RBFOX1: variants seen among roughly 807,000 people sequenced by gnomAD.
RBFOX1 encodes the protein RNA binding fox-1 homolog 1.
RBFOX1 carries 8 observed loss-of-function variants against 57.7 expected under a neutral mutation model. The observed-to-expected ratio is 0.14, with a 90% CI of 0.08 to 0.25. RBFOX1 has a LOEUF of 0.25. RBFOX1 is among the 10% of genes least tolerant of loss of function. The pLI is 1.00. For missense variants in RBFOX1, 611 were observed against 548.5 expected, an observed-to-expected ratio of 1.11 and a Z score of -1.14; for synonymous variants, 326 against 222.4, an observed-to-expected ratio of 1.47 and a Z score of -4.15.
intron 1 of RBFOX1, among the ~76,000 whole-genome samples, chr16:5,433,020 A>T (rs2067801876): frequency 6.6e-6 from 1 of 152,156 alleles, no homozygotes; most frequent in Non-Finnish European, 1.5e-5. Context: ...TCCTGACCTC[A>T]GGTTATTCCA....
chr16:7,406,934 C>T lies in RBFOX1; in HGVS notation c.28-111213C>T, dbSNP rs151121878. On this transcript the variant is annotated intron_variant, in intron 4 of 15. Transcript: ENST00000550418. ...TCCGTCTCCAATGCTATCAGTGTAG[C>T]ATTTTCAAATCTCTCTCTGTCTCTG... Among the ~76,000 whole-genome samples, 322 of 152,294 alleles carry T rather than the reference C, an allele frequency of 2.1e-3. 1 individual carries two copies. The highest frequency in any genetic ancestry group is 7.3e-3 in the African/African-American group (304 of 41,568).
At chr16:7,223,179 A>C (rs546200222) in intron 4 of RBFOX1, among the ~76,000 whole-genome samples, 27 of 152,338 alleles carry the variant, frequency 1.8e-4, no homozygotes, top group Admixed American at 5.2e-4. Flanking sequence ...CAGGACAACA[A>C]AGGTTATTGC....
chr16:7,375,440 A>T lies in RBFOX1; in HGVS notation c.28-142707A>T, dbSNP rs145257066. On this transcript the variant is annotated intron_variant, in intron 4 of 15. Transcript: ENST00000550418. ...TATAAAGACAAATTAGCGGCTATGG[A>T]ATCTCAATCCAGGAAAGAGAGACCT... is the stretch of plus-strand genomic sequence containing the variant. Among the ~76,000 whole-genome samples, 3 of 152,258 alleles carry T rather than the reference A, an allele frequency of 2.0e-5. No homozygotes were observed. In the East Asian group the frequency reaches 5.8e-4, roughly 29 times the overall value.
At chr16:5,288,304 C>T (rs1473808921) in intron 1 of RBFOX1, among the ~76,000 whole-genome samples, 1 of 152,182 alleles carries the variant, frequency 6.6e-6, no homozygotes, top group Non-Finnish European at 1.5e-5. Context: ...TGTTAGGAGG[C>T]TGCTGTTCAA....
At chr16:5,810,304 A>G (rs927992147) in intron 3 of RBFOX1, among the ~76,000 whole-genome samples, 48 of 152,314 alleles carry the variant, frequency 3.2e-4, no homozygotes, top group African/African-American at 1.1e-3. Context: ...GTGCACATGT[A>G]TCCTAAAACT....
chr16:6,795,976 A>G (rs1215096587), intron 3 of RBFOX1, among the ~76,000 whole-genome samples: 1 of 152,114 alleles, frequency 6.6e-6, no homozygotes, highest in African/African-American at 2.4e-5. Context: ...ATTTTCTAGG[A>G]AACCAAAGTT....
intron 5 of RBFOX1, among the ~76,000 whole-genome samples, chr16:7,522,105 C>G (rs1234598193): frequency 6.6e-6 from 1 of 152,180 alleles, no homozygotes; most frequent in Non-Finnish European, 1.5e-5. Context: ...TGAGGAGCTT[C>G]ATATCCAAAT....
intron 4 of RBFOX1, among the ~76,000 whole-genome samples, chr16:7,255,448 T>A (rs2094639246): frequency 6.6e-6 from 1 of 152,238 alleles, no homozygotes; most frequent in South Asian, 2.1e-4. Flanking sequence ...TAATGCAACA[T>A]TATTTAATGT....
chr16:5,470,518 T>A (rs1157805136), intron 2 of RBFOX1, among the ~76,000 whole-genome samples: 1 of 152,188 alleles, frequency 6.6e-6, no homozygotes, highest in African/African-American at 2.4e-5. Context: ...TCTCTCTCCC[T>A]CTACCTTTCT....
intron 2 of RBFOX1, among the ~76,000 whole-genome samples, chr16:6,417,879 CAA>C (rs1337309295): frequency 5.3e-5 from 8 of 151,798 alleles, no homozygotes; most frequent in Non-Finnish European, 1.0e-4. Flanking sequence ...CTAAAGAAAG[CAA>C]AAGACAGAAC....
intron 14 of RBFOX1, chr16:7,693,200 C>A: frequency 2.5e-6 from 2 of 789,896 alleles, no homozygotes; most frequent in Non-Finnish European, 4.4e-6. Flanking sequence ...TTCCTCGCAA[C>A]ATCCATTCAC....
intron 5 of RBFOX1, among the ~76,000 whole-genome samples, chr16:7,550,908 A>G (rs1325047392): frequency 6.6e-6 from 1 of 152,008 alleles, no homozygotes; most frequent in East Asian, 1.9e-4. Flanking sequence ...AGCCTGGCCA[A>G]CATGGTGAAA....
intron 3 of RBFOX1, among the ~76,000 whole-genome samples, chr16:7,035,031 A>C (rs148787606): frequency 6.6e-6 from 1 of 150,440 alleles, no homozygotes; most frequent in Non-Finnish European, 1.5e-5. Flanking sequence ...TATTTTTATT[A>C]GAGACAGGGT....
intron 3 of RBFOX1, among the ~76,000 whole-genome samples, chr16:6,729,521 G>C (rs1367687408): frequency 6.6e-6 from 1 of 152,142 alleles, no homozygotes; most frequent in African/African-American, 2.4e-5. Context: ...TAGAAACAAA[G>C]AAGATGTTTA....
chr16:6,497,112 T>A lies in RBFOX1; in HGVS notation c.-63-157491T>A, dbSNP rs1397029721. ...CCATTTTACAGATGAGGGAGCAATTTTAGAGAAGGTAATTAACCAAATATT... is the reference window on the plus strand; with the variant it reads ...CCATTTTACAGATGAGGGAGCAATTATAGAGAAGGTAATTAACCAAATATT... On this transcript the variant is annotated intron_variant, in intron 2 of 15. Transcript: ENST00000550418. Among the ~76,000 whole-genome samples, 5 of 152,266 alleles carry A rather than the reference T, an allele frequency of 3.3e-5. No homozygotes were observed. The South Asian group carries it at 1.0e-3, about 32-fold the overall frequency.
intron 7 of RBFOX1, among the ~76,000 whole-genome samples, chr16:7,590,122 C>T (rs1385309024): frequency 6.6e-6 from 1 of 151,946 alleles, no homozygotes; most frequent in Non-Finnish European, 1.5e-5. Context: ...TTAAAATTAG[C>T]TGGGCATGGT....
intron 1 of RBFOX1, among the ~76,000 whole-genome samples, chr16:5,332,765 C>T (rs905445381): frequency 2.0e-5 from 3 of 151,740 alleles, no homozygotes; most frequent in Non-Finnish European, 4.4e-5. Context: ...AAAGAAAATA[C>T]AAGGGCAGTT....
intron 2 of RBFOX1, among the ~76,000 whole-genome samples, chr16:6,423,243 G>C (rs900309969): frequency 6.6e-6 from 1 of 152,280 alleles, no homozygotes; most frequent in Non-Finnish European, 1.5e-5. Context: ...TCGGCCTTCC[G>C]CAAGCTGCAG....
At chr16:6,579,027 C>A (rs2153969561) in intron 2 of RBFOX1, among the ~76,000 whole-genome samples, 1 of 151,902 alleles carries the variant, frequency 6.6e-6, no homozygotes, top group South Asian at 2.1e-4. Flanking sequence ...ACCTGTTTTC[C>A]CAAAACCTAT....
Sources: allele counts gnomAD v4.1 joint callset (sites outside exome capture counted in the v4.1 genomes callset), GRCh38; gene constraint gnomAD v4.1.1; transcripts MANE v1.5; gene names NCBI Gene and HGNC (gene_info 2026-07-23, HGNC 2026-07-21).